The following TECTA variants were observed in gnomAD, a reference collection of about 807,000 sequenced individuals.
The protein encoded by TECTA is alpha-tectorin.
TECTA carries 128 observed loss-of-function variants against 216.8 expected under a neutral mutation model. The ratio of observed to expected loss-of-function variants is 0.59; its 90% CI spans 0.51 to 0.68. The LOEUF is 0.68. Among genes scored for constraint, TECTA ranks in the 30% least tolerant of loss-of-function variants. The probability of loss-of-function intolerance (pLI) is 0.00; values close to 1 mark genes in which losing one functional copy is unlikely to be tolerated. For synonymous variants in TECTA, 1,089 were observed against 1,117.1 expected (o/e 0.97, Z 0.50); for missense variants, 2,551 against 2,786.2 (o/e 0.92, Z 1.90).
Position 121,113,344 on chromosome 11 carries a change from G to C in TECTA, c.624+135G>C, listed in dbSNP as rs1946461454. On this transcript the variant is annotated intron_variant, in intron 5 of 23. Transcript: ENST00000392793. The surrounding 1 kb of genome is among the most constrained non-coding windows in gnomAD (Gnocchi z 4.2). ...AGGTCTGATCTCGCAGGTGGACTAC[G>C]AGGCTAGTCCTGCCCATGTTTGGCA... The C allele has an allele frequency of 1.3e-6, 2 of 1,518,902 alleles. No homozygotes were observed. The highest frequency in any genetic ancestry group is 3.4e-5 in the Admixed American group (2 of 58,444). The allele number at this position is 1,518,902 out of a possible 1,614,324, so 94.1% of individuals were successfully genotyped here.
At chr11:121,184,654 C>A (rs1352437148) in intron 20 of TECTA, among the ~76,000 whole-genome samples, 1 of 152,174 alleles carries the variant, frequency 6.6e-6, no homozygotes, top group Non-Finnish European at 1.5e-5. Context: ...CTAGGCACAG[C>A]GCTCACTCAA....
At chr11:121,160,482 G>A in intron 15 of TECTA, 61 bp downstream of exon 15, 1 of 1,593,162 alleles carries the variant, frequency 6.3e-7, no homozygotes, top group Non-Finnish European at 8.5e-7. Context: ...ACGTCCATGG[G>A]TGGTGTGAAT....
chr11:121,179,324 T>G (rs1947201906), intron 20 of TECTA, among the ~76,000 whole-genome samples: 1 of 152,172 alleles, frequency 6.6e-6, no homozygotes, highest in South Asian at 2.1e-4. Context: ...GCCTAATTTC[T>G]AAGTATTTGT....
At chr11:121,139,629 G>A (rs1444243266) in intron 11 of TECTA, among the ~76,000 whole-genome samples, 1 of 151,822 alleles carries the variant, frequency 6.6e-6, no homozygotes, top group Non-Finnish European at 1.5e-5. Context: ...GGCGGAGATT[G>A]CAGTGAGGCA....
intron 20 of TECTA, among the ~76,000 whole-genome samples, chr11:121,172,801 A>G (rs1170129810): frequency 2.6e-5 from 4 of 152,056 alleles, no homozygotes; most frequent in African/African-American, 7.3e-5. Context: ...TTACAGTCCC[A>G]CCAACAGTGT....
chr11:121,109,064 C>A, intron 3 of TECTA, 147 bp from the exon 4 acceptor site: 1 of 826,094 alleles, frequency 1.2e-6, no homozygotes, highest in Non-Finnish European at 1.9e-6. Context: ...TTAGTCTGAG[C>A]AATGGAACCC....
rs7124779 is a variant in TECTA at position 121,177,811 on chromosome 11, T to C, written c.5999+8886T>C. Among the ~76,000 whole-genome samples, 442 of 152,348 alleles carry C rather than the reference T, an allele frequency of 2.9e-3. 2 individuals carry two copies. The highest frequency in any genetic ancestry group is 8.5e-3 in the African/African-American group (352 of 41,594). On this transcript the variant is annotated intron_variant, in intron 20 of 23. Transcript: ENST00000392793. The stretch of plus-strand genomic sequence containing the variant: ...GCCTACAGAGGCAGGCAGGCGTCCT[T>C]GAGCTGTGGTGGGCTCCACCCAGTT...
chr11:121,132,315 C>T (rs1386577045), intron 10 of TECTA, among the ~76,000 whole-genome samples: 1 of 152,210 alleles, frequency 6.6e-6, no homozygotes, highest in Non-Finnish European at 1.5e-5. Context: ...CCATATACGG[C>T]CAGTGGGAGT....
At position 121,162,259 on chromosome 11, in the gene TECTA, G is replaced by A. The variant is rs146481835; in HGVS notation, c.5161G>A (p.Gly1721Ser). Reference protein sequence around the residue: ...LPFYESCYLDGCYSHKKFQLC... With the variant: ...LPFYESCYLDSCYSHKKFQLC... ...ATTCTACGAGTCCTGCTACCTGGACGGCTGCTACAGCCACAAGAAGTTCCA... is the reference window on the plus strand; with the variant it reads ...ATTCTACGAGTCCTGCTACCTGGACAGCTGCTACAGCCACAAGAAGTTCCA... The change falls in exon 16 of 24, where the codon GGC becomes AGC. Residue 1721 changes from glycine (G) to serine (S), a missense_variant. By Grantham distance (56) the Gly-to-Ser change is moderately conservative. Transcript: ENST00000392793. 9.3e-6 allele frequency: 15 copies of A among 1,613,944 alleles called. No homozygotes were observed. Among genetic ancestry groups the A allele is most frequent in the Admixed American group, 3.3e-5 (2 of 60,012 alleles).
intron 14 of TECTA, among the ~76,000 whole-genome samples, chr11:121,159,255 G>A (rs1316845528): frequency 6.6e-6 from 1 of 152,186 alleles, no homozygotes; most frequent in Admixed American, 6.5e-5. Context: ...AGGTGCCACT[G>A]TTTTTAACAT....
rs1242564593 is a variant in TECTA, at chr11:121,113,338, G to A, written c.624+129G>A. 1 of 1,538,368 alleles carries A rather than the reference G, an allele frequency of 6.5e-7. No individual in the cohort carries two copies. The highest frequency in any genetic ancestry group is 8.9e-7 in the Non-Finnish European group (1 of 1,124,696). On this transcript the variant is annotated intron_variant, in intron 5 of 23. Coordinates refer to ENST00000392793, the MANE Select transcript of TECTA (RefSeq NM_005422.4). This position sits in a 1 kb window ranked among gnomAD's most constrained non-coding sequence, Gnocchi z 4.2. ...AGACGCAGGTCTGATCTCGCAGGTG[G>A]ACTACGAGGCTAGTCCTGCCCATGT...
intron 7 of TECTA, among the ~76,000 whole-genome samples, chr11:121,124,992 T>G (rs1251681240): frequency 6.6e-6 from 1 of 152,206 alleles, no homozygotes; most frequent in African/African-American, 2.4e-5. Context: ...AGAAAAGATA[T>G]GAAGCTAGCC....
At chr11:121,173,464 TG>T (rs1308816983) in intron 20 of TECTA, among the ~76,000 whole-genome samples, 3,352 of 130,432 alleles carry the variant, frequency 0.026, 133 homozygotes, top group African/African-American at 0.095. Flanking sequence ...CCCCATTGCT[TG>T]TTTTTCTCAG....
At chr11:121,120,731 T>C (rs1946549529) in intron 7 of TECTA, among the ~76,000 whole-genome samples, 1 of 152,106 alleles carries the variant, frequency 6.6e-6, no homozygotes, top group Admixed American at 6.5e-5. Flanking sequence ...GCAGCATAAG[T>C]AAAAATCCAT....
At chr11:121,132,741 A>G (rs1320381595) in intron 10 of TECTA, among the ~76,000 whole-genome samples, 1 of 151,754 alleles carries the variant, frequency 6.6e-6, no homozygotes, top group Non-Finnish European at 1.5e-5. Context: ...TTTTTTTGAG[A>G]TGGAGTCTCA....
intron 12 of TECTA, 173 bp downstream of exon 12, chr11:121,146,289 C>T: frequency 1.4e-6 from 1 of 722,510 alleles, no homozygotes. Context: ...CCTCTTGGAG[C>T]CTCCATGTCC....
intron 12 of TECTA, among the ~76,000 whole-genome samples, chr11:121,148,288 A>G (rs1026780972): frequency 1.3e-5 from 2 of 152,226 alleles, no homozygotes; most frequent in African/African-American, 4.8e-5. Context: ...TTCCCATCAC[A>G]AAGAGACTTA....
At chr11:121,119,782 T>C (rs895946783) in intron 7 of TECTA, among the ~76,000 whole-genome samples, 1 of 152,232 alleles carries the variant, frequency 6.6e-6, no homozygotes, top group African/African-American at 2.4e-5. Context: ...ATTCCACTCT[T>C]TCTGGCTCTG....
rs1206422078 is a variant in TECTA at position 121,129,659 on chromosome 11, T to A, written c.2389T>A (p.Leu797Met). The change falls in exon 10 of 24, where the codon TTG becomes ATG. Residue 797 changes from leucine to methionine, a missense_variant. By Grantham distance (15) the Leu-to-Met change is conservative. Around this residue, in one of 3 missense-constraint regions of TECTA, gnomAD observed 2,375 missense variants for 2,563.9 expected, o/e 0.93. Transcript: ENST00000392793. Reference sequence around the variant, plus strand: ...TCAGTTGAATGGTCAGGAAGTGGAATTGCCTTTTTTCCATCCTTCGGGGAA... The same window carrying A: ...TCAGTTGAATGGTCAGGAAGTGGAAATGCCTTTTTTCCATCCTTCGGGGAA... ...EVKLNGQEVELPFFHPSGKLE... is the reference protein window; with the variant it reads ...EVKLNGQEVEMPFFHPSGKLE... The A allele has an allele frequency of 1.2e-6, 2 of 1,614,184 alleles. No homozygotes were observed. The highest frequency in any genetic ancestry group is 1.1e-5 in the South Asian group (1 of 91,082).
Sources: gnomAD v4.1 joint callset for allele counts (sites outside exome capture counted in the v4.1 genomes callset) on GRCh38, gnomAD v4.1.1 for gene constraint, gnomAD v4.1.1 regional missense constraint, Gnocchi (gnomAD v3.1) non-coding constraint, MANE v1.5 for transcripts, NCBI Gene and HGNC (gene_info 2026-07-23, HGNC 2026-07-21) for gene names.